Variants in TSPEAR observed in about 807,000 individuals in gnomAD.
TSPEAR encodes the protein thrombospondin-type laminin G domain and EAR repeat-containing protein.
Under a neutral mutation model 71.6 loss-of-function variants are expected in TSPEAR, and 69 were observed. The observed-to-expected ratio is 0.96, with a 90% CI of 0.79 to 1.18. The LOEUF (loss-of-function observed/expected upper bound fraction) is 1.18, where lower values mean the gene tolerates loss of function less well. TSPEAR is among the 50% of genes most tolerant of loss of function. The pLI is 0.00. For synonymous variants in TSPEAR, 402 were observed against 387.2 expected, an observed-to-expected ratio of 1.04 and a Z score of -0.45; for missense variants, 971 against 894.9, an observed-to-expected ratio of 1.09 and a Z score of -1.09.
At chr21:44,678,352 T>C (rs73234841) in intron 1 of TSPEAR, among the ~76,000 whole-genome samples, 8,041 of 152,128 alleles carry the variant, frequency 0.053, 237 homozygotes, top group Middle Eastern at 0.14. Flanking sequence ...TCAGTTCTTG[T>C]GAGATCTGGT....
At chr21:44,633,045 T>C (rs76825583) in intron 1 of TSPEAR, among the ~76,000 whole-genome samples, 3,936 of 136,350 alleles carry the variant, frequency 0.029, 149 homozygotes, top group African/African-American at 0.099. Flanking sequence ...TCTTATAGTC[T>C]TTTTTATCTA....
At chr21:44,621,548 A>C (rs1171232058) in intron 1 of TSPEAR, among the ~76,000 whole-genome samples, 1 of 152,188 alleles carries the variant, frequency 6.6e-6, no homozygotes, top group African/African-American at 2.4e-5. Context: ...TCATGTCCCC[A>C]GGTAACATCC....
rs365923 is a variant in TSPEAR, at chr21:44,611,630, C to T, written c.83-43625G>A. ...TGGGGAGCCAGGGGGCATTCCTAGC[C>T]GAGACACCCATTGTTCAATGGAGCA... On this transcript the variant is annotated intron_variant, in intron 1 of 11. Coordinates refer to ENST00000323084, the MANE Select transcript of TSPEAR (RefSeq NM_144991.3). Among the ~76,000 whole-genome samples, 297 of 152,212 alleles carry T rather than the reference C, an allele frequency of 2.0e-3. 2 individuals carry two copies. The highest frequency in any genetic ancestry group is 3.4e-3 in the Non-Finnish European group (229 of 68,010).
At chr21:44,513,855 AG>A (rs1326120042) in intron 9 of TSPEAR, among the ~76,000 whole-genome samples, 1 of 152,104 alleles carries the variant, frequency 6.6e-6, no homozygotes, top group Admixed American at 6.5e-5. Context: ...TTGGGGGGGC[AG>A]TGGCATCCTC....
chr21:44,601,848 G>C, intron 1 of TSPEAR: 1 of 1,406,112 alleles, frequency 7.1e-7, no homozygotes, highest in Non-Finnish European at 9.5e-7. Flanking sequence ...GTGGACGTCA[G>C]TGGTCAGCTG....
intron 1 of TSPEAR, among the ~76,000 whole-genome samples, chr21:44,581,156 G>A (rs115430971): frequency 0.017 from 2,661 of 152,280 alleles, 83 homozygotes; most frequent in African/African-American, 0.061. Context: ...TGGTGGATCT[G>A]TGCTTTATCC....
At position 44,531,127 on chromosome 21, in the gene TSPEAR, G is replaced by A. The variant is rs374525571; in HGVS notation, c.549C>T (p.Ala183=). 6.8e-6 allele frequency: 11 copies of A among 1,613,424 alleles called. No individual in the cohort carries two copies. The highest frequency in any genetic ancestry group is 4.0e-5 in the African/African-American group (3 of 74,910). The change falls in exon 4 of 12, where the codon GCC becomes GCT. Residue 183 remains alanine (A), a synonymous_variant. Transcript: ENST00000323084. ...ACAGGGTGGCTGGGAAGGGCACATC[G>A]GCCATTCTGAAAATATCAAAGGACT... ...TDCGLPVDIM[A]DVPFPATLSV... is the part of the protein sequence containing the mutation.
intron 1 of TSPEAR, chr21:44,647,458 A>G: frequency 7.5e-7 from 1 of 1,329,952 alleles, no homozygotes; most frequent in East Asian, 2.5e-5. Context: ...CTCCATCAGT[A>G]GCCACAGAGC....
At chr21:44,652,633 C>A (rs1555941690) in intron 1 of TSPEAR, among the ~76,000 whole-genome samples, 4 of 152,258 alleles carry the variant, frequency 2.6e-5, no homozygotes, top group Non-Finnish European at 1.5e-5. Context: ...GTAACCCATA[C>A]AGAGTCTATA....
intron 1 of TSPEAR, among the ~76,000 whole-genome samples, chr21:44,646,124 CAAAAAAAAAAA>C (rs55672014): frequency 2.4e-3 from 76 of 31,236 alleles, no homozygotes; most frequent in Middle Eastern, 0.056. Flanking sequence ...GACTCCCTCT[CAAAAAAAAAAA>C]AAAAAAAAAA....
intron 2 of TSPEAR, among the ~76,000 whole-genome samples, chr21:44,543,965 A>C (rs1555917512): frequency 1.3e-5 from 2 of 152,260 alleles, no homozygotes; most frequent in Non-Finnish European, 2.9e-5. Flanking sequence ...AAGCAAGGAG[A>C]TAAAAGGGAG....
At chr21:44,516,599 A>G (rs1457780487) in intron 9 of TSPEAR, 1 of 152,210 alleles carries the variant, frequency 6.6e-6, no homozygotes, top group African/African-American at 2.4e-5. Flanking sequence ...TCTGAGTGAC[A>G]CATCAGGATC....
At chr21:44,601,457 T>A (rs1189195171) in intron 1 of TSPEAR, 5 of 1,610,376 alleles carry the variant, frequency 3.1e-6, no homozygotes, top group Non-Finnish European at 4.2e-6. Context: ...TGTGTGCCCG[T>A]CTGCTCTGGG....
At chr21:44,516,965 C>G (rs782092331) in intron 9 of TSPEAR, among the ~76,000 whole-genome samples, 1 of 152,174 alleles carries the variant, frequency 6.6e-6, no homozygotes, top group African/African-American at 2.4e-5. Flanking sequence ...CTCGCTCCTG[C>G]ACCCTGGGGC....
At chr21:44,559,478 C>T (rs587676974) in intron 2 of TSPEAR, among the ~76,000 whole-genome samples, 4 of 152,270 alleles carry the variant, frequency 2.6e-5, no homozygotes, top group South Asian at 2.1e-4. Flanking sequence ...GGCCTTCCCC[C>T]GGTGGTGTGC....
chr21:44,522,213 C>A, intron 8 of TSPEAR, 101 bp from the exon 9 acceptor site: 1 of 1,192,536 alleles, frequency 8.4e-7, no homozygotes. Flanking sequence ...CCCCGAGGAC[C>A]GAAGACCCAC....
intron 1 of TSPEAR, among the ~76,000 whole-genome samples, chr21:44,679,778 A>G (rs1986491795): frequency 2.0e-5 from 3 of 152,218 alleles, no homozygotes; most frequent in Non-Finnish European, 2.9e-5. Flanking sequence ...CCAAGAACAT[A>G]CAATAGAGAA....
At chr21:44,683,198 G>C (rs1555948389) in intron 1 of TSPEAR, among the ~76,000 whole-genome samples, 1 of 152,124 alleles carries the variant, frequency 6.6e-6, no homozygotes, top group Non-Finnish European at 1.5e-5. Flanking sequence ...CCAAGATACA[G>C]AGTGTTCCAA....
Position 44,501,286 on chromosome 21 carries a change from T to C in TSPEAR, c.1857-1350A>G, listed in dbSNP as rs149853303. On this transcript the variant is annotated intron_variant, in intron 11 of 11. Coordinates refer to ENST00000323084, the MANE Select transcript of TSPEAR (RefSeq NM_144991.3). ...CCAACATAGTGAAACCCCATCTCTA[T>C]TAAAAATACAAAAATTAGCCAGGCA... is the stretch of plus-strand genomic sequence containing the variant. Among the ~76,000 whole-genome samples, 1,323 of 151,430 alleles carry C rather than the reference T, an allele frequency of 8.7e-3. 7 individuals carry two copies. The highest frequency in any genetic ancestry group is 0.014 in the Non-Finnish European group (978 of 67,842).
Sources: allele counts gnomAD v4.1 joint callset (sites outside exome capture counted in the v4.1 genomes callset), GRCh38; gene constraint gnomAD v4.1.1; transcripts MANE v1.5; gene names NCBI Gene and HGNC (gene_info 2026-07-23, HGNC 2026-07-21).